Variants in XRCC1 observed in about 807,000 individuals in gnomAD.
XRCC1 encodes the protein X-ray repair cross complementing 1.
XRCC1 carries 52 observed loss-of-function variants against 83.3 expected under a neutral mutation model. That is an observed-to-expected ratio of 0.62 (90% confidence interval 0.50 to 0.79). The LOEUF (loss-of-function observed/expected upper bound fraction) is 0.79. Ranked by LOEUF, XRCC1 falls within the 30% of genes least tolerant of loss-of-function variation. The pLI, the probability that XRCC1 is intolerant of heterozygous loss-of-function variation, is 0.00. For missense variants in XRCC1, 793 were observed against 823.5 expected (o/e 0.96, Z 0.45); for synonymous variants, 281 against 312.6 (o/e 0.90, Z 1.07).
At position 43,554,707 on chromosome 19, in the gene XRCC1, C is replaced by G. The variant is rs762120534; in HGVS notation, c.353G>C (p.Arg118Pro). 6.2e-7 allele frequency: 1 copy of G among 1,613,970 alleles called. No individual in the cohort carries two copies. Among genetic ancestry groups the G allele is most frequent in the Admixed American group, 1.7e-5 (1 of 60,002 alleles). The change falls in exon 4 of 17, where the codon CGG becomes CCG. Residue 118 changes from arginine (R) to proline (P), a missense_variant. Arg to Pro is a moderately radical substitution (Grantham distance 103, BLOSUM62 -2). Transcript: ENST00000262887. The part of the protein sequence containing the change: ...VRMFGPDKLV[R>P]AAAEKRWDRV... ...GTCCCAGCGCTTCTCGGCGGCTGCC[C>G]GGACCAGCTTGTCAGGCCCAAACAT...
chr19:43,549,003 C>T (rs1439164531), intron 10 of XRCC1, among the ~76,000 whole-genome samples: 1 of 152,088 alleles, frequency 6.6e-6, no homozygotes, highest in Non-Finnish European at 1.5e-5. Flanking sequence ...CTGAGACATA[C>T]ATGTTAAGAC....
chr19:43,572,453 G>A (rs3213261), intron 2 of XRCC1, among the ~76,000 whole-genome samples: 2,571 of 152,268 alleles, frequency 0.017, 30 homozygotes, highest in Non-Finnish European at 0.025. Flanking sequence ...GGAAGAGCTG[G>A]GGGCTTGAAT....
chr19:43,550,060 G>A (rs1324274055), intron 10 of XRCC1, among the ~76,000 whole-genome samples: 2 of 151,974 alleles, frequency 1.3e-5, no homozygotes, highest in Admixed American at 6.6e-5. Flanking sequence ...CCTCCCAACA[G>A]AGCCTGCCCC....
chr19:43,553,266 G>A (rs1972600907), intron 6 of XRCC1, 135 bp downstream of exon 6: 1 of 1,179,886 alleles, frequency 8.5e-7, no homozygotes, highest in Non-Finnish European at 1.2e-6. Context: ...CCTCCACCCT[G>A]AGACCCAGGA....
intron 10 of XRCC1, 136 bp from the exon 11 acceptor site, chr19:43,547,113 C>CCAG: frequency 2.3e-6 from 2 of 862,222 alleles, no homozygotes; most frequent in Non-Finnish European, 3.5e-6. Flanking sequence ...CCATTCTCTC[C>CCAG]CAGCTCAGGA....
chr19:43,543,899 A>C (rs552939436), intron 15 of XRCC1, among the ~76,000 whole-genome samples: 2 of 152,172 alleles, frequency 1.3e-5, no homozygotes, highest in East Asian at 3.9e-4. Context: ...TCCCTTTCAG[A>C]AGCAGGGGTA....
At chr19:43,572,175 T>G (rs1051235790) in intron 2 of XRCC1, among the ~76,000 whole-genome samples, 1 of 152,170 alleles carries the variant, frequency 6.6e-6, no homozygotes, top group African/African-American at 2.4e-5. Flanking sequence ...AGTCACTCTG[T>G]TTCCACAGCA....
chr19:43,565,590 A>G (rs146832238), intron 2 of XRCC1, among the ~76,000 whole-genome samples: 44 of 152,352 alleles, frequency 2.9e-4, no homozygotes, highest in African/African-American at 9.9e-4. Context: ...TACTGCATAT[A>G]TAACTATTTC....
In XRCC1 at chr19:43,552,191, C is replaced by T. The variant is rs769107365; in HGVS notation, c.908G>A (p.Gly303Asp). 4 of 1,614,046 alleles carry T rather than the reference C, an allele frequency of 2.5e-6. No individual in the cohort carries two copies. Among genetic ancestry groups the T allele is most frequent in the Non-Finnish European group, 2.5e-6 (3 of 1,179,968 alleles). Residue 303 changes from glycine (G) to aspartate (D), a missense_variant, in exon 9 of 17, where the codon GGC becomes GAC. Transcript: ENST00000262887. ...GAVTGKPRGE[G>D]TEPRRPRAGP... Reference sequence around the variant, plus strand: ...AGCTCGGGGTCGTCTGGGCTCGGTGCCTTCTCCTCGGGGTTTGCCTGTCAC... The same window carrying T: ...AGCTCGGGGTCGTCTGGGCTCGGTGTCTTCTCCTCGGGGTTTGCCTGTCAC...
Position 43,548,109 on chromosome 19 carries a change from G to C in XRCC1, c.1200-1132C>G, listed in dbSNP as rs997798316. ...CAGCCGCCCCATCCGGGAGGGAGGT[G>C]GGGGGGTCAGCCCCCGCCCGGCCAG... is the stretch of plus-strand genomic sequence containing the variant. On this transcript the variant is annotated intron_variant, in intron 10 of 16. Transcript: ENST00000262887. Among the ~76,000 whole-genome samples, 14 of 64,914 alleles carry C rather than the reference G, an allele frequency of 2.2e-4. No homozygotes were observed. In the East Asian group the frequency reaches 3.3e-3, roughly 15 times the overall value. The allele number at this position is 64,914 out of a possible 152,430, so 42.6% of individuals were successfully genotyped here. A position where few individuals can be genotyped will look rare whatever the true frequency, so the allele number is the denominator to read the frequency against.
chr19:43,546,184 C>A, intron 12 of XRCC1, 78 bp from the exon 13 acceptor site: 1 of 1,540,252 alleles, frequency 6.5e-7, no homozygotes. Context: ...ATGGCACAGA[C>A]CCAGGCATCT....
At chr19:43,545,673 G>C (rs1303443285) in intron 14 of XRCC1, 145 bp downstream of exon 14, 1 of 1,050,150 alleles carries the variant, frequency 9.5e-7, no homozygotes, top group Non-Finnish European at 1.4e-6. Context: ...AGAACCTGAA[G>C]GTGCTGAGGC....
At chr19:43,564,291 AAG>A (rs1972730456) in intron 2 of XRCC1, among the ~76,000 whole-genome samples, 1 of 152,152 alleles carries the variant, frequency 6.6e-6, no homozygotes, top group African/African-American at 2.4e-5. Context: ...GTTACTACTC[AAG>A]AGTTATTAAG....
chr19:43,570,741 T>C (rs1454653390), intron 2 of XRCC1, among the ~76,000 whole-genome samples: 1 of 152,190 alleles, frequency 6.6e-6, no homozygotes, highest in East Asian at 1.9e-4. Flanking sequence ...GCCATGACTT[T>C]GCAACTGCAC....
At chr19:43,562,314 C>G (rs958918595) in intron 2 of XRCC1, among the ~76,000 whole-genome samples, 1 of 152,132 alleles carries the variant, frequency 6.6e-6, no homozygotes, top group Admixed American at 6.6e-5. Context: ...AAGGAGGGAG[C>G]CTGGACTTGG....
Position 43,543,559 on chromosome 19 carries a change from G to A in XRCC1, c.1788+53C>T, listed in dbSNP as rs369086567. 3.9e-5 allele frequency: 63 copies of A among 1,613,500 alleles called. No individual in the cohort carries two copies. The African/African-American group carries it at 7.6e-4, about 19-fold the overall frequency. On this transcript the variant is annotated intron_variant, in intron 16 of 16. Coordinates refer to ENST00000262887, the MANE Select transcript of XRCC1 (RefSeq NM_006297.3). The stretch of plus-strand genomic sequence containing the variant: ...AATGTGTCATCGAGGGGAGGACGGA[G>A]GAGATGCAAAGGTGTGCCCGGGTCT...
rs1393094126 is a variant in XRCC1, at chr19:43,546,958, C to T, written c.1219G>A (p.Gly407Ser). The T allele has an allele frequency of 1.2e-6, 2 of 1,613,882 alleles. No homozygotes were observed. Among genetic ancestry groups the T allele is most frequent in the Admixed American group, 1.7e-5 (1 of 60,010 alleles). The change falls in exon 11 of 17, where the codon GGT becomes AGT. Residue 407 changes from glycine to serine, a missense_variant. Gly to Ser is a moderately conservative substitution (Grantham distance 56). Coordinates refer to ENST00000262887, the MANE Select transcript of XRCC1 (RefSeq NM_006297.3). ...GCCTCATCCTCCTCACTGCTGGAAC[C>T]TGGCCCTGCCATGAGGTACCTAGGG... ...PSQRYLMAGP[G>S]SSSEEDEASH...
rs1254735674 is a variant in XRCC1 at position 43,545,972 on chromosome 19, AG to A, written c.1482-16del. The A allele has an allele frequency of 1.2e-6, 2 of 1,613,628 alleles. No individual in the cohort carries two copies. The highest frequency in any genetic ancestry group is 2.7e-5 in the African/African-American group (2 of 74,846). ...GCTCTGCCACCCTGGGGGTGCCAAG[AG>A]GAGTAGAGAGTGAGCATGCAGAGCA... On this transcript the variant is annotated splice_polypyrimidine_tract_variant and intron_variant, in intron 13 of 16. Transcript: ENST00000262887.
intron 2 of XRCC1, among the ~76,000 whole-genome samples, chr19:43,561,394 C>T (rs1215231918): frequency 2.6e-5 from 4 of 152,180 alleles, no homozygotes; most frequent in African/African-American, 9.7e-5. Flanking sequence ...ACCCCTCACC[C>T]ACAATCGCAG....
Sources: allele counts gnomAD v4.1 joint callset (sites outside exome capture counted in the v4.1 genomes callset), GRCh38; gene constraint gnomAD v4.1.1; transcripts MANE v1.5; gene names NCBI Gene and HGNC (gene_info 2026-07-23, HGNC 2026-07-21).